Variants in MYO7A observed in about 807,000 individuals in gnomAD.
MYO7A encodes the protein myosin VIIA, also known as unconventional myosin-VIIa.
A neutral mutation model predicts 263.8 loss-of-function variants in MYO7A; 210 were observed. That is an observed-to-expected ratio of 0.80 (90% CI 0.71 to 0.89). MYO7A has a LOEUF of 0.89. MYO7A is among the 40% of genes least tolerant of loss of function. MYO7A has a pLI of 0.00. For missense variants in MYO7A, 2,820 were observed against 2,968.3 expected (o/e 0.95, Z 1.16); for synonymous variants, 1,239 against 1,197.3 (o/e 1.03, Z -0.72).
chr11:77,164,123 C>T (rs1953302953), intron 14 of MYO7A, among the ~76,000 whole-genome samples: 1 of 152,192 alleles, frequency 6.6e-6, no homozygotes, highest in South Asian at 2.1e-4. Context: ...TTCTTTTCCC[C>T]TGGGGACAGG....
intron 1 of MYO7A, among the ~76,000 whole-genome samples, chr11:77,129,255 GC>G (rs1310975394): frequency 6.6e-6 from 1 of 152,182 alleles, no homozygotes; most frequent in Non-Finnish European, 1.5e-5. Context: ...CTGCCTGCTG[GC>G]CCTGTTGAAT....
At chr11:77,140,784 A>C (rs11237102) in intron 2 of MYO7A, among the ~76,000 whole-genome samples, 70,842 of 152,054 alleles carry the variant, frequency 0.47, 19,281 homozygotes, top group African/African-American at 0.75. Flanking sequence ...GTGAATGCTC[A>C]GTAAACAGTT....
At position 77,165,132 on chromosome 11, in the gene MYO7A, T is replaced by A. The variant is rs79672887; in HGVS notation, c.1691-924T>A. The stretch of plus-strand genomic sequence containing the variant: ...GAGCTTTAGTGAGAACCCAATTACA[T>A]CCCAACTGCAAAGCCCACCCTCCAT... On this transcript the variant is annotated intron_variant, in intron 14 of 48. Transcript: ENST00000409709. Among the ~76,000 whole-genome samples, 1,320 of 152,240 alleles carry A rather than the reference T, an allele frequency of 8.7e-3. 20 individuals are homozygous for A. Among genetic ancestry groups the A allele is most frequent in the African/African-American group, 0.03 (1,261 of 41,550 alleles).
At chr11:77,153,106 T>C (rs977736451) in intron 4 of MYO7A, among the ~76,000 whole-genome samples, 1 of 152,140 alleles carries the variant, frequency 6.6e-6, no homozygotes, top group African/African-American at 2.4e-5. Context: ...TTTAAAAGCC[T>C]GCATGGCTCC....
intron 21 of MYO7A, 112 bp from the exon 22 acceptor site, chr11:77,180,262 T>TTATTTGG (rs2135476575): frequency 1.1e-6 from 1 of 900,836 alleles, no homozygotes; most frequent in African/African-American, 1.7e-5. Flanking sequence ...ACTTGTCCTA[T>TTATTTGG]CAAAGTCATG....
At position 77,184,723 on chromosome 11, in the gene MYO7A, C is replaced by A. The variant is rs1955532068; in HGVS notation, c.3503+8C>A. On this transcript the variant is annotated splice_region_variant and intron_variant, in intron 27 of 48. Coordinates refer to ENST00000409709, the MANE Select transcript of MYO7A (RefSeq NM_000260.4). Reference sequence around the variant, plus strand: ...CCTGCGGCCAGCACTCCGGTCAGTGCCGGGAGGCGGGGACACCAGGGCCTG... The same window carrying A: ...CCTGCGGCCAGCACTCCGGTCAGTGACGGGAGGCGGGGACACCAGGGCCTG... The A allele has an allele frequency of 6.4e-7, 1 of 1,553,728 alleles. No homozygotes were observed. The highest frequency in any genetic ancestry group is 1.9e-5 in the Admixed American group (1 of 53,568).
chr11:77,201,488 C>A lies in MYO7A; in HGVS notation c.4893C>A (p.Asp1631Glu). 1 of 1,613,968 alleles carries A rather than the reference C, an allele frequency of 6.2e-7. No homozygotes were observed. The highest frequency in any genetic ancestry group is 8.5e-7 in the Non-Finnish European group (1 of 1,179,894). ...GCTTCCTCAGCTTTGCCAAGGGAGA[C>A]CTCATCATCCTGGACCATGACACGG... ...ESGFLSFAKGDLIILDHDTGE... is the reference protein window; with the variant it reads ...ESGFLSFAKGELIILDHDTGE... The change falls in exon 36 of 49, where the codon GAC (aspartate) becomes GAA (glutamate). Residue 1631 changes from aspartate to glutamate, a missense_variant. Physicochemically the swap from Asp to Glu is conservative, Grantham distance 45. Transcript: ENST00000409709.
Position 77,205,589 on chromosome 11 carries a change from T to G in MYO7A, c.5608T>G (p.Cys1870Gly). 1 of 1,613,574 alleles carries G rather than the reference T, an allele frequency of 6.2e-7. No homozygotes were observed. The highest frequency in any genetic ancestry group is 8.5e-7 in the Non-Finnish European group (1 of 1,179,798). ...AAAGCACTGCCCACTCGCCATCGAC[T>G]GCCTGCAACGGCTCCAGAAAGCCCT... Reference protein sequence around the residue: ...SRKHCPLAIDCLQRLQKALRN... With the variant: ...SRKHCPLAIDGLQRLQKALRN... Residue 1870 changes from cysteine to glycine, a missense_variant, in exon 40 of 49, where the codon TGC becomes GGC. By Grantham distance (159) the Cys-to-Gly change is radical. Coordinates refer to ENST00000409709, the MANE Select transcript of MYO7A (RefSeq NM_000260.4).
At chr11:77,185,399 T>C (rs1039534870) in intron 27 of MYO7A, among the ~76,000 whole-genome samples, 1 of 152,254 alleles carries the variant, frequency 6.6e-6, no homozygotes, top group Non-Finnish European at 1.5e-5. Context: ...CTAAATCCTT[T>C]GTTGTCATTT....
chr11:77,169,183 C>T (rs1394039097), intron 15 of MYO7A, among the ~76,000 whole-genome samples: 1 of 152,240 alleles, frequency 6.6e-6, no homozygotes, highest in Non-Finnish European at 1.5e-5. Context: ...CCCACGCCAC[C>T]TCTTGCAGTG....
rs2135629106 is a variant in MYO7A at position 77,142,819 on chromosome 11, C to T, written c.129C>T (p.Asp43=). Residue 43 remains aspartate (D), a synonymous_variant, in exon 3 of 49, where the codon GAC becomes GAT. Transcript: ENST00000409709. ...SGQVQVVDDE[D]NEHWISPQNA... ...AGGTCCAGGTGGTGGATGATGAAGA[C>T]AATGTGAGTAGTCCCCTCCCTCCTC... is the stretch of plus-strand genomic sequence containing the variant. The T allele has an allele frequency of 6.2e-7, 1 of 1,602,822 alleles. No individual in the cohort carries two copies. Among genetic ancestry groups the T allele is most frequent in the Non-Finnish European group, 8.5e-7 (1 of 1,174,700 alleles).
chr11:77,211,965 G>A (rs968600952), intron 46 of MYO7A, 28 bp downstream of exon 46: 4 of 1,566,010 alleles, frequency 2.6e-6, no homozygotes, highest in South Asian at 1.1e-5. Flanking sequence ...CAGAGCAGAG[G>A]AGGAGGGGAA....
At chr11:77,148,081 T>C (rs1555055140) in intron 4 of MYO7A, 131 bp downstream of exon 4, 1 of 863,424 alleles carries the variant, frequency 1.2e-6, no homozygotes, top group African/African-American at 1.8e-5. Context: ...TTGTCCGCTG[T>C]GCAGCTGGAC....
chr11:77,165,162 G>T (rs1232795509), intron 14 of MYO7A, among the ~76,000 whole-genome samples: 2 of 152,190 alleles, frequency 1.3e-5, no homozygotes, highest in African/African-American at 2.4e-5. Flanking sequence ...CTCCATTCCT[G>T]TGTGTCCCCT....
chr11:77,177,460 C>T (rs1217144560), intron 18 of MYO7A, 89 bp from the exon 19 acceptor site: 3 of 1,052,688 alleles, frequency 2.8e-6, no homozygotes, highest in Non-Finnish European at 4.3e-6. Flanking sequence ...CCTGTGCTCC[C>T]AGTGAAGGAA....
intron 12 of MYO7A, 93 bp from the exon 13 acceptor site, chr11:77,162,027 T>TA: frequency 8.6e-7 from 1 of 1,164,672 alleles, no homozygotes; most frequent in Non-Finnish European, 1.2e-6. Context: ...GATAGCTTGC[T>TA]AATGGCCATG....
At chr11:77,198,396 G>C in intron 33 of MYO7A, 99 bp from the exon 34 acceptor site, 1 of 1,470,126 alleles carries the variant, frequency 6.8e-7, no homozygotes, top group Non-Finnish European at 9.2e-7. Flanking sequence ...CTATAAAATA[G>C]AAATCAGTGT....
chr11:77,197,447 T>C (rs1259001861), intron 32 of MYO7A, 34 bp from the exon 33 acceptor site: 1 of 1,486,318 alleles, frequency 6.7e-7, no homozygotes, highest in Non-Finnish European at 9.2e-7. Flanking sequence ...ACTCGTATGT[T>C]GTCTTCTGTC....
chr11:77,193,419 T>C (rs111293975), intron 31 of MYO7A, among the ~76,000 whole-genome samples: 3,109 of 150,746 alleles, frequency 0.021, 95 homozygotes, highest in African/African-American at 0.07. Context: ...GTGTTGGTGA[T>C]GACAGTGTTG....
Sources: gnomAD v4.1 joint callset for allele counts (sites outside exome capture counted in the v4.1 genomes callset) on GRCh38, gnomAD v4.1.1 for gene constraint, MANE v1.5 for transcripts, NCBI Gene and HGNC (gene_info 2026-07-23, HGNC 2026-07-21) for gene names.